CTNNA2: variants seen among roughly 807,000 people sequenced by gnomAD.
CTNNA2 encodes the protein catenin alpha-2.
In CTNNA2, 42 loss-of-function variants were observed where a neutral mutation model predicts 101.0. The ratio of observed to expected loss-of-function variants is 0.42; its 90% CI spans 0.32 to 0.54. The LOEUF (loss-of-function observed/expected upper bound fraction) is 0.54, where lower values mean the gene tolerates loss of function less well. CTNNA2 is among the 20% of genes least tolerant of loss of function. The pLI is 0.14. For synonymous variants in CTNNA2, 450 were observed against 456.4 expected, an observed-to-expected ratio of 0.99 and a Z score of 0.18; for missense variants, 871 against 1,223.1, an observed-to-expected ratio of 0.71 and a Z score of 4.29.
chr2:79,957,454 G>A (rs6740394), intron 7 of CTNNA2, among the ~76,000 whole-genome samples: 4,325 of 152,244 alleles, frequency 0.028, 213 homozygotes, highest in African/African-American at 0.099. Flanking sequence ...GTCTCTGACT[G>A]CTCTGGGCTG....
At chr2:80,039,628 C>T (rs1206183850) in intron 7 of CTNNA2, among the ~76,000 whole-genome samples, 3 of 152,204 alleles carry the variant, frequency 2.0e-5, no homozygotes, top group Non-Finnish European at 2.9e-5. Context: ...TGGTCCTAAA[C>T]GCTGAGACTG....
chr2:80,561,977 C>T (rs1166146049), intron 12 of CTNNA2, among the ~76,000 whole-genome samples: 4 of 151,908 alleles, frequency 2.6e-5, no homozygotes, highest in Admixed American at 6.6e-5. Flanking sequence ...CGCCTGGCCA[C>T]GTTTTTTATG....
rs1014983879 is a variant in CTNNA2 at position 79,835,504 on chromosome 2, T to C, written c.299-22509T>C. On this transcript the variant is annotated intron_variant, in intron 3 of 18. Transcript: ENST00000402739. ...CTAGCTTGGCTTGTTCATTGGGCAA[T>C]TGAGATTCTAATAGCTTTCAGGCAA... 2.0e-5 allele frequency among the ~76,000 whole-genome samples: 3 copies of C among 151,912 alleles called. No individual in the cohort carries two copies. In the East Asian group the frequency reaches 5.8e-4, roughly 29 times the overall value.
At chr2:79,660,778 G>A (rs1352643120) in intron 2 of CTNNA2, among the ~76,000 whole-genome samples, 1 of 152,082 alleles carries the variant, frequency 6.6e-6, no homozygotes, top group Non-Finnish European at 1.5e-5. Context: ...TATATGGCCA[G>A]CTGTGTTGGC....
In CTNNA2 at chr2:79,201,198, G is replaced by A. The variant is rs553929990; in HGVS notation, c.-406+3122G>A. ...CAGATAGAGCTGGTCAAATGCAATG[G>A]GAAAAAGACTGAAACAATAAAAACA... On this transcript the variant is annotated intron_variant, in intron 2 of 21. Coordinates refer to the CTNNA2 transcript ENST00000466387. Among the ~76,000 whole-genome samples, 7 of 152,112 alleles carry A rather than the reference G, an allele frequency of 4.6e-5. No individual in the cohort carries two copies. The South Asian group carries it at 1.5e-3, about 32-fold the overall frequency.
At chr2:80,642,816 A>C (rs1353746548) in intron 18 of CTNNA2, among the ~76,000 whole-genome samples, 1 of 152,178 alleles carries the variant, frequency 6.6e-6, no homozygotes, top group East Asian at 1.9e-4. Flanking sequence ...AGGCTGCACA[A>C]ATATTGATAA....
In CTNNA2 at chr2:79,970,957, T is replaced by C. The variant is rs1356483501; in HGVS notation, c.1056+61160T>C. Among the ~76,000 whole-genome samples, 3 of 152,158 alleles carry C rather than the reference T, an allele frequency of 2.0e-5. No homozygotes were observed. In the East Asian group the frequency reaches 5.8e-4, roughly 29 times the overall value. ...GTGTCTGTGGAACTACTTGGCCTTA[T>C]TCCTGGGTCCTATCAATTTAGCAAG... On this transcript the variant is annotated intron_variant, in intron 7 of 18. Coordinates refer to ENST00000402739, the MANE Select transcript of CTNNA2 (RefSeq NM_001282597.3).
At chr2:79,419,511 A>C (rs1165596298) in intron 4 of CTNNA2, among the ~76,000 whole-genome samples, 2 of 152,082 alleles carry the variant, frequency 1.3e-5, no homozygotes, top group Non-Finnish European at 2.9e-5. Context: ...GGTATAGGGA[A>C]ACTCTGTATT....
intron 7 of CTNNA2, among the ~76,000 whole-genome samples, chr2:80,042,206 C>A (rs1558753707): frequency 1.3e-5 from 2 of 152,192 alleles, no homozygotes; most frequent in Non-Finnish European, 2.9e-5. Context: ...CTCAAGGGAT[C>A]CACCTGCCTT....
chr2:79,244,665 G>A (rs1674676201), intron 2 of CTNNA2, among the ~76,000 whole-genome samples: 1 of 152,212 alleles, frequency 6.6e-6, no homozygotes, highest in Non-Finnish European at 1.5e-5. Flanking sequence ...CTCCATGATA[G>A]CAGCGATTTC....
At chr2:79,808,714 T>C (rs915529720) in intron 3 of CTNNA2, among the ~76,000 whole-genome samples, 3 of 152,220 alleles carry the variant, frequency 2.0e-5, no homozygotes, top group Non-Finnish European at 4.4e-5. Context: ...ATTTTTAATT[T>C]ATTTTGAGCT....
intron 2 of CTNNA2, among the ~76,000 whole-genome samples, chr2:79,311,516 T>C (rs1332177073): frequency 1.3e-5 from 2 of 151,308 alleles, no homozygotes; most frequent in East Asian, 1.9e-4. Context: ...GAATGTGAAA[T>C]AGTAACAAAA....
chr2:80,492,467 A>T (rs1241558889), intron 9 of CTNNA2, among the ~76,000 whole-genome samples: 1 of 152,162 alleles, frequency 6.6e-6, no homozygotes, highest in Admixed American at 6.5e-5. Context: ...TATCCCTTAT[A>T]CACATTCATG....
chr2:80,495,972 G>A (rs1018272743), intron 9 of CTNNA2, among the ~76,000 whole-genome samples: 6 of 128,546 alleles, frequency 4.7e-5, no homozygotes, highest in African/African-American at 1.6e-4. Context: ...AAAAAAGGTG[G>A]CCATTTGAAG....
At chr2:79,656,984 T>C (rs1401774315) in intron 2 of CTNNA2, among the ~76,000 whole-genome samples, 1 of 151,778 alleles carries the variant, frequency 6.6e-6, no homozygotes, top group Non-Finnish European at 1.5e-5. Flanking sequence ...ATCATCAGTA[T>C]AGAATTTTAG....
chr2:80,003,660 C>A (rs187509549), intron 7 of CTNNA2, among the ~76,000 whole-genome samples: 1 of 152,230 alleles, frequency 6.6e-6, no homozygotes, highest in Non-Finnish European at 1.5e-5. Context: ...ATGAACTCTG[C>A]AAGGCCCAGT....
At chr2:79,353,159 T>C (rs1407890067) in intron 3 of CTNNA2, among the ~76,000 whole-genome samples, 1 of 152,218 alleles carries the variant, frequency 6.6e-6, no homozygotes, top group African/African-American at 2.4e-5. Context: ...TATCAACTGC[T>C]TTAACTGCAT....
chr2:80,034,775 G>A (rs1052395409), intron 7 of CTNNA2, among the ~76,000 whole-genome samples: 1 of 152,144 alleles, frequency 6.6e-6, no homozygotes, highest in Non-Finnish European at 1.5e-5. Context: ...CATTCTGTTG[G>A]TGAGAGCGTG....
chr2:79,728,324 G>A (rs1016761275), intron 2 of CTNNA2, among the ~76,000 whole-genome samples: 2 of 152,110 alleles, frequency 1.3e-5, no homozygotes, highest in South Asian at 2.1e-4. Flanking sequence ...TTCTCTGATG[G>A]CCAGTGATGA....
Sources: allele counts gnomAD v4.1 joint callset (sites outside exome capture counted in the v4.1 genomes callset), GRCh38; gene constraint gnomAD v4.1.1; transcripts MANE v1.5; gene names NCBI Gene and HGNC (gene_info 2026-07-23, HGNC 2026-07-21).